Variants in ARVCF observed in about 807,000 individuals in gnomAD.
The protein encoded by ARVCF is splicing regulator ARVCF.
In ARVCF, 66 loss-of-function variants were observed where a neutral mutation model predicts 90.9. The ratio of observed to expected loss-of-function variants is 0.73; its 90% CI spans 0.60 to 0.89. The LOEUF is 0.89. Among genes scored for constraint, ARVCF ranks in the 40% least tolerant of loss-of-function variants. The pLI is 0.00. For missense variants in ARVCF, 1,469 were observed against 1,382.3 expected (o/e 1.06, Z -1.00); for synonymous variants, 653 against 603.4 (o/e 1.08, Z -1.21).
At chr22:20,014,703 C>T (rs1944959322) in intron 1 of ARVCF, among the ~76,000 whole-genome samples, 1 of 152,214 alleles carries the variant, frequency 6.6e-6, no homozygotes, top group Non-Finnish European at 1.5e-5. Context: ...TCTGCCAGGG[C>T]CAGGCGGGGA....
Position 19,983,079 on chromosome 22 carries a change from G to A in ARVCF, c.211-988C>T, listed in dbSNP as rs11705145. 4.1e-3 allele frequency among the ~76,000 whole-genome samples: 629 copies of A among 152,364 alleles called. 3 individuals carry two copies. Among genetic ancestry groups the A allele is most frequent in the Admixed American group, 8.5e-3 (130 of 15,312 alleles). On this transcript the variant is annotated intron_variant, in intron 3 of 19. Transcript: ENST00000263207. ...GGACCTAAGACTCACAGCCTGCCCC[G>A]GGCCTCTGACTGCACAGGTGCCTGG...
In ARVCF at chr22:19,974,243, G is replaced by T; in HGVS notation, c.1961-4C>A. 6.2e-7 allele frequency: 1 copy of T among 1,601,926 alleles called. No individual in the cohort carries two copies. Among genetic ancestry groups the T allele is most frequent in the South Asian group, 1.1e-5 (1 of 90,602 alleles). ...GGCTGGTACAGCAGCTCAAAGCCTA[G>T]GTGCAGGGCAACCGCCACCCACGGT... On this transcript the variant is annotated splice_polypyrimidine_tract_variant and splice_region_variant and intron_variant, in intron 11 of 19. Transcript: ENST00000263207.
At chr22:19,967,134 C>A (rs1048641685), downstream of ARVCF, 3 of 1,293,656 alleles carry the variant, frequency 2.3e-6, no homozygotes, top group Non-Finnish European at 3.1e-6. Context: ...TTCTGCCCTT[C>A]CCTCCTTCTT....
At chr22:19,968,666 A>G, downstream of ARVCF, 1 of 1,614,046 alleles carries the variant, frequency 6.2e-7, no homozygotes, top group Non-Finnish European at 8.5e-7. Context: ...TCGTTCCTGG[A>G]ATACAGGGAG....
At chr22:20,014,062 AAC>A (rs965650840) in intron 1 of ARVCF, among the ~76,000 whole-genome samples, 1 of 148,746 alleles carries the variant, frequency 6.7e-6, no homozygotes, top group African/African-American at 2.6e-5. Flanking sequence ...TTTTAGTAGA[AAC>A]AGGGTTTCAC....
intron 12 of ARVCF, 61 bp from the exon 13 acceptor site, chr22:19,973,854 C>G: frequency 6.4e-7 from 1 of 1,557,476 alleles, no homozygotes; most frequent in Non-Finnish European, 8.7e-7. Flanking sequence ...CACCTCCAGA[C>G]GCTGACCGCT....
In ARVCF at chr22:19,970,438, C is replaced by T. The variant is rs763556649; in HGVS notation, c.*318G>A. On this transcript the variant is annotated 3_prime_UTR_variant, in exon 20 of 20. Transcript: ENST00000263207. ...CTATCCCACCAGCCCCAAAGCCCAG[C>T]CAGGCACCCTTCCCTGCCACCTCCC... 1 of 1,094,298 alleles carries T rather than the reference C, an allele frequency of 9.1e-7. No homozygotes were observed. 67.8% of individuals were successfully genotyped at this position (1,094,298 alleles called of 1,614,324 possible). A position where few individuals can be genotyped will look rare whatever the true frequency, so the allele number is the denominator to read the frequency against.
intron 2 of ARVCF, among the ~76,000 whole-genome samples, chr22:19,992,086 C>T (rs1265699534): frequency 3.9e-5 from 6 of 152,246 alleles, no homozygotes; most frequent in Non-Finnish European, 5.9e-5. Flanking sequence ...CTGGGCTCAG[C>T]TGCGCCAGCA....
At chr22:19,979,670 C>T (rs1220881197) in intron 6 of ARVCF, 73 bp downstream of exon 6, 2 of 1,487,164 alleles carry the variant, frequency 1.3e-6, no homozygotes, top group East Asian at 2.5e-5. Flanking sequence ...GGCCGAGTGG[C>T]CTCGTTCCTC....
Position 19,976,895 on chromosome 22 carries a change from T to A in ARVCF, c.1871-172A>T, listed in dbSNP as rs2240718. 5.9e-5 allele frequency among the ~76,000 whole-genome samples: 9 copies of A among 152,060 alleles called. 1 individual carries two copies. The highest frequency in any genetic ancestry group is 2.1e-4 in the South Asian group (1 of 4,826). ...CTGGGCACTGAGCACCCACCAGGGG[T>A]ACAAGAAGAGGGAGGCCTGGGGTCA... is the stretch of plus-strand genomic sequence containing the variant. On this transcript the variant is annotated intron_variant, in intron 9 of 19. Transcript: ENST00000263207.
At chr22:19,983,557 A>C (rs1943612738) in intron 3 of ARVCF, 1 of 152,308 alleles carries the variant, frequency 6.6e-6, no homozygotes, top group Admixed American at 6.5e-5. Flanking sequence ...AGGCTGACAG[A>C]GGAAAGAAGT....
chr22:19,997,897 C>T (rs1479283959), intron 2 of ARVCF, among the ~76,000 whole-genome samples: 4 of 152,218 alleles, frequency 2.6e-5, no homozygotes, highest in East Asian at 3.8e-4. Flanking sequence ...CGCAAGGTGC[C>T]GTGTGGCCCA....
In ARVCF at chr22:19,980,121, C is replaced by G; in HGVS notation, c.1018G>C (p.Val340Leu). The G allele has an allele frequency of 6.3e-7, 1 of 1,590,600 alleles. No individual in the cohort carries two copies. The highest frequency in any genetic ancestry group is 8.5e-7 in the Non-Finnish European group (1 of 1,171,618). The change falls in exon 6 of 20, where the codon GTG (valine) becomes CTG (leucine). Residue 340 changes from valine to leucine, a missense_variant. Val to Leu is a conservative substitution (Grantham distance 32). Transcript: ENST00000263207. Reference protein sequence around the residue: ...RGSMGSLDRLVRRSPSVDSAR... With the variant: ...RGSMGSLDRLLRRSPSVDSAR... Reference sequence around the variant, plus strand: ...CTATCCACTGAGGGCGAGCGCCGCACCAGCCGGTCCAGGCTGCCCATGCTG... The same window carrying G: ...CTATCCACTGAGGGCGAGCGCCGCAGCAGCCGGTCCAGGCTGCCCATGCTG...
At chr22:20,004,707 A>C (rs764207830) in intron 2 of ARVCF, among the ~76,000 whole-genome samples, 23 of 152,238 alleles carry the variant, frequency 1.5e-4, no homozygotes, top group Non-Finnish European at 2.9e-4. Flanking sequence ...CACAAAGACC[A>C]ATGGAATAGA....
intron 18 of ARVCF, among the ~76,000 whole-genome samples, chr22:19,971,574 G>A (rs921912843): frequency 6.6e-6 from 1 of 152,198 alleles, no homozygotes; most frequent in Non-Finnish European, 1.5e-5. Context: ...GCAGGCAGCA[G>A]GTCCTGCCAT....
At chr22:19,978,109 G>C (rs201936452) in intron 7 of ARVCF, 34 bp from the exon 8 acceptor site, 22 of 1,561,052 alleles carry the variant, frequency 1.4e-5, no homozygotes, top group Admixed American at 1.9e-5. Context: ...GTGACCCCTG[G>C]CTACCAGAAA....
rs1298850738 is a variant in ARVCF at position 19,973,876 on chromosome 22, G to C, written c.2089-83C>G. The C allele has an allele frequency of 4.6e-6, 7 of 1,533,012 alleles. No homozygotes were observed. The African/African-American group carries it at 8.2e-5, about 18-fold the overall frequency. 95.0% of individuals were successfully genotyped at this position (1,533,012 alleles called of 1,614,324 possible). A position where few individuals can be genotyped will look rare whatever the true frequency, so the allele number is the denominator to read the frequency against. ...AGACGCTGACCGCTCTCTCCAGCTGGACCTTCCTGCTCCCGTGCCCGACAA... is the reference window on the plus strand; with the variant it reads ...AGACGCTGACCGCTCTCTCCAGCTGCACCTTCCTGCTCCCGTGCCCGACAA... On this transcript the variant is annotated intron_variant, in intron 12 of 19. Transcript: ENST00000263207.
At position 19,977,997 on chromosome 22, in the gene ARVCF, G is replaced by T; in HGVS notation, c.1659C>A (p.Ala553=). 6.2e-7 allele frequency: 1 copy of T among 1,611,752 alleles called. No individual in the cohort carries two copies. Among genetic ancestry groups the T allele is most frequent in the Non-Finnish European group, 8.5e-7 (1 of 1,179,384 alleles). Residue 553 remains alanine, a synonymous_variant, in exon 8 of 20, where the codon GCC becomes GCA. Transcript: ENST00000263207. ...CCTTCCGGCCCACAGCCGACTGCAG[G>T]GCATGCAGGAGCGCGTCCACCAGCC... ...CEGLVDALLH[A]LQSAVGRKDT...
chr22:19,971,642 T>G (rs896996163), intron 18 of ARVCF, among the ~76,000 whole-genome samples: 7 of 152,164 alleles, frequency 4.6e-5, no homozygotes, highest in Non-Finnish European at 1.0e-4. Context: ...GCACACACAC[T>G]AGCTCACAGG....
Sources: allele counts gnomAD v4.1 joint callset (sites outside exome capture counted in the v4.1 genomes callset), GRCh38; gene constraint gnomAD v4.1.1; transcripts MANE v1.5; gene names NCBI Gene and HGNC (gene_info 2026-07-23, HGNC 2026-07-21).